STXBP6: variants seen among roughly 807,000 people sequenced by gnomAD.
STXBP6 encodes the protein syntaxin-binding protein 6.
Under a neutral mutation model 26.9 loss-of-function variants are expected in STXBP6, and 21 were observed. The observed-to-expected ratio is 0.78, with a 90% confidence interval of 0.55 to 1.12. The LOEUF (loss-of-function observed/expected upper bound fraction) is 1.12. Among genes scored for constraint, STXBP6 ranks in the 50% most tolerant of loss-of-function variants. The pLI is 0.00. For synonymous variants in STXBP6, 97 were observed against 92.6 expected (o/e 1.05, Z -0.27); for missense variants, 232 against 257.9 (o/e 0.90, Z 0.69).
chr14:24,886,218 T>C (rs796512259), intron 2 of STXBP6, among the ~76,000 whole-genome samples: 8 of 152,342 alleles, frequency 5.3e-5, no homozygotes, highest in African/African-American at 1.9e-4. Context: ...TATTCTGATA[T>C]AATTCTCAAT....
rs570079749 is a variant in STXBP6, at chr14:24,844,430, C to T, written c.451+11506G>A. On this transcript the variant is annotated intron_variant, in intron 4 of 5. Coordinates refer to ENST00000323944, the MANE Select transcript of STXBP6 (RefSeq NM_001394410.1). ...GACAGACGTACGGGTAACCTGAGGA[C>T]CCACTACTTGTGACTGGCATCTGAA... is the stretch of plus-strand genomic sequence containing the variant. 2.6e-5 allele frequency among the ~76,000 whole-genome samples: 4 copies of T among 152,300 alleles called. No individual in the cohort carries two copies. The East Asian group carries it at 7.7e-4, about 29-fold the overall frequency.
At chr14:24,897,429 GAA>G (rs71121805) in intron 2 of STXBP6, among the ~76,000 whole-genome samples, 27 of 125,606 alleles carry the variant, frequency 2.1e-4, no homozygotes, top group Admixed American at 3.6e-4. Context: ...AAAAAAAAAG[GAA>G]AAAAAAAAAA....
intron 4 of STXBP6, among the ~76,000 whole-genome samples, chr14:24,831,361 T>A (rs1470897112): frequency 6.6e-6 from 1 of 152,210 alleles, no homozygotes; most frequent in Admixed American, 6.5e-5. Context: ...CTTCACTGTG[T>A]CTCATCCCCA....
intron 1 of STXBP6, among the ~76,000 whole-genome samples, chr14:24,976,997 T>C (rs963801474): frequency 7.3e-5 from 11 of 151,262 alleles, no homozygotes; most frequent in African/African-American, 2.7e-4. Context: ...CCAGTAGCTG[T>C]GATTACAGGT....
chr14:25,011,554 G>A (rs1566560436), intron 1 of STXBP6, among the ~76,000 whole-genome samples: 2 of 152,156 alleles, frequency 1.3e-5, no homozygotes, highest in Admixed American at 6.5e-5. Context: ...GCACGTTACT[G>A]GGTTCAGTCC....
At chr14:24,963,915 G>A (rs1282819736) in intron 2 of STXBP6, among the ~76,000 whole-genome samples, 1 of 147,760 alleles carries the variant, frequency 6.8e-6, no homozygotes, top group Non-Finnish European at 1.5e-5. Context: ...GGATTCCAAG[G>A]GAATTAAAAG....
intron 1 of STXBP6, chr14:24,987,775 G>T: frequency 2.2e-6 from 2 of 926,328 alleles, no homozygotes; most frequent in Non-Finnish European, 2.6e-6. Flanking sequence ...ACTGTGAGGT[G>T]TTGTTACCCA....
At chr14:25,000,164 G>A (rs1470795705) in intron 1 of STXBP6, among the ~76,000 whole-genome samples, 1 of 151,782 alleles carries the variant, frequency 6.6e-6, no homozygotes, top group African/African-American at 2.4e-5. Flanking sequence ...CTAGGCTCAC[G>A]CCATTCTCCT....
At chr14:25,002,340 T>C (rs1454810705) in intron 1 of STXBP6, among the ~76,000 whole-genome samples, 1 of 150,946 alleles carries the variant, frequency 6.6e-6, no homozygotes, top group East Asian at 1.9e-4. Flanking sequence ...GAGAATCCCA[T>C]ACAGTTAAAT....
chr14:24,964,346 TA>T (rs1385814498), intron 2 of STXBP6, among the ~76,000 whole-genome samples: 2 of 152,176 alleles, frequency 1.3e-5, no homozygotes, highest in African/African-American at 4.8e-5. Flanking sequence ...AACTACCTAG[TA>T]GTCTATTCTC....
rs1235385650 is a variant in STXBP6, at chr14:24,931,043, G to A, written c.154+43622C>T. On this transcript the variant is annotated intron_variant, in intron 2 of 5. Transcript: ENST00000323944. The stretch of plus-strand genomic sequence containing the variant: ...GGAGAATGGCGTGAACCCGGGAAGC[G>A]GAGCTTGCAGTGAGCCGAGATTGCG... Among the ~76,000 whole-genome samples, 10 of 140,350 alleles carry A rather than the reference G, an allele frequency of 7.1e-5. No individual in the cohort carries two copies. In the East Asian group the frequency reaches 1.2e-3, roughly 18 times the overall value. 92.1% of individuals were successfully genotyped at this position (140,350 alleles called of 152,430 possible).
chr14:24,908,395 A>G (rs972671250), intron 2 of STXBP6, among the ~76,000 whole-genome samples: 5 of 152,196 alleles, frequency 3.3e-5, no homozygotes, highest in Non-Finnish European at 7.3e-5. Context: ...ATTTGCTTTC[A>G]TAAGAGCCAG....
intron 4 of STXBP6, among the ~76,000 whole-genome samples, chr14:24,853,719 A>C (rs1252780088): frequency 6.6e-6 from 1 of 151,972 alleles, no homozygotes; most frequent in East Asian, 1.9e-4. Context: ...ACTTATTCTA[A>C]TTTTTTCTTA....
At position 24,828,779 on chromosome 14, in the gene STXBP6, A is replaced by G. The variant is rs373226048; in HGVS notation, c.452-9585T>C. Among the ~76,000 whole-genome samples the G allele has an allele frequency of 7.4e-4, 113 of 152,356 alleles. 1 individual carries two copies. The highest frequency in any genetic ancestry group is 2.6e-3 in the African/African-American group (108 of 41,594). On this transcript the variant is annotated intron_variant, in intron 4 of 5. Coordinates refer to ENST00000323944, the MANE Select transcript of STXBP6 (RefSeq NM_001394410.1). ...GGAAGAAACTTCTAGACAACGTGAC[A>G]AATTATAATTAGATATTAATAAGGT... is the stretch of plus-strand genomic sequence containing the variant.
intron 2 of STXBP6, among the ~76,000 whole-genome samples, chr14:24,970,771 A>G (rs1416153590): frequency 6.6e-6 from 1 of 152,190 alleles, no homozygotes; most frequent in East Asian, 1.9e-4. Context: ...TTGACTATAA[A>G]AAACTGCCAA....
chr14:25,047,558 G>T (rs2075745362), intron 1 of STXBP6, among the ~76,000 whole-genome samples: 5 of 152,200 alleles, frequency 3.3e-5, no homozygotes, highest in Admixed American at 3.3e-4. Flanking sequence ...GAACTAGTCA[G>T]AAATGCTAAT....
In STXBP6 at chr14:24,857,150, G is replaced by C; in HGVS notation, c.162C>G (p.Asn54Lys). The C allele has an allele frequency of 6.2e-7, 1 of 1,612,730 alleles. No homozygotes were observed. The highest frequency in any genetic ancestry group is 8.5e-7 in the Non-Finnish European group (1 of 1,179,070). Reference protein sequence around the residue: ...YLTYICLSVTNKKPTQASITK... With the variant: ...YLTYICLSVTKKKPTQASITK... Reference sequence around the variant, plus strand: ...TGATGGACGCCTGTGTGGGTTTCTTGTTTGTCACTGCCAAGAAAAGATCAC... The same window carrying C: ...TGATGGACGCCTGTGTGGGTTTCTTCTTTGTCACTGCCAAGAAAAGATCAC... Residue 54 changes from asparagine to lysine, a missense_variant, in exon 3 of 6, where the codon AAC (asparagine) becomes AAG (lysine). Transcript: ENST00000323944.
At chr14:24,840,982 A>C (rs1250281622) in intron 4 of STXBP6, among the ~76,000 whole-genome samples, 1 of 152,174 alleles carries the variant, frequency 6.6e-6, no homozygotes, top group East Asian at 1.9e-4. Flanking sequence ...TTTCAAGAAA[A>C]CATTCCAAGT....
intron 2 of STXBP6, among the ~76,000 whole-genome samples, chr14:24,897,428 G>A (rs759850884): frequency 0.013 from 1,011 of 80,074 alleles, 7 homozygotes; most frequent in African/African-American, 0.023. Context: ...AAAAAAAAAA[G>A]GAAAAAAAAA....
Sources: allele counts gnomAD v4.1 joint callset (sites outside exome capture counted in the v4.1 genomes callset), GRCh38; gene constraint gnomAD v4.1.1; transcripts MANE v1.5; gene names NCBI Gene and HGNC (gene_info 2026-07-23, HGNC 2026-07-21).